OR2A7: variants seen among roughly 807,000 people sequenced by gnomAD.
OR2A7 encodes olfactory receptor family 2 subfamily A member 7.
For missense variants in OR2A7, 35 were observed against 359.2 expected (o/e 0.10, Z 7.30); for synonymous variants, 10 against 147.1 (o/e 0.07, Z 6.74).
intron 1 of OR2A7, among the ~76,000 whole-genome samples, chr7:144,264,300 C>G (rs990171354): frequency 6.6e-6 from 1 of 151,432 alleles, no homozygotes; most frequent in African/African-American, 2.4e-5. Flanking sequence ...TGTTCTGTTG[C>G]CCAGGCTGGA....
rs1230580806 is a variant in OR2A7 at position 144,264,325 on chromosome 7, T to A, written c.-5+376A>T. Among the ~76,000 whole-genome samples, 26 of 151,068 alleles carry A rather than the reference T, an allele frequency of 1.7e-4. No individual in the cohort carries two copies. The East Asian group carries it at 5.1e-3, about 29-fold the overall frequency. ...CCCAGGCTGGAGTGCAGTGGTGCAA[T>A]CTCAGTTCACTGAAACCTCTGCCTC... On this transcript the variant is annotated intron_variant, in intron 1 of 1. Transcript: ENST00000641841.
chr7:144,260,257 A>T (rs868727193), intron 1 of OR2A7, among the ~76,000 whole-genome samples: 1,574 of 116,550 alleles, frequency 0.014, 75 homozygotes, highest in African/African-American at 0.039. Context: ...GTCTTTTTTT[A>T]AAAAAAATTT....
At chr7:144,261,987 G>A (rs1054429740) in intron 1 of OR2A7, among the ~76,000 whole-genome samples, 3 of 151,876 alleles carry the variant, frequency 2.0e-5, no homozygotes, top group Non-Finnish European at 4.4e-5. Flanking sequence ...GAAATGCCAA[G>A]GAAGGATCTT....
chr7:144,260,646 C>G (rs2052633243), intron 1 of OR2A7, among the ~76,000 whole-genome samples: 1 of 151,914 alleles, frequency 6.6e-6, no homozygotes, highest in Non-Finnish European at 1.5e-5. Flanking sequence ...TTTTTTAGCC[C>G]AGAACCTTAT....
chr7:144,260,722 A>G, intron 1 of OR2A7, among the ~76,000 whole-genome samples: 1 of 151,924 alleles, frequency 6.6e-6, no homozygotes, highest in Non-Finnish European at 1.5e-5. Flanking sequence ...ATAGATTTGC[A>G]CCGTGTCATT....
At position 144,259,633 on chromosome 7, in the gene OR2A7, CTA is replaced by C. The variant is rs1177953411; in HGVS notation, c.-4-3_-4-2del. The C allele has an allele frequency of 6.2e-7, 1 of 1,611,934 alleles. No homozygotes were observed. The highest frequency in any genetic ancestry group is 8.5e-7 in the Non-Finnish European group (1 of 1,179,200). The stretch of plus-strand genomic sequence containing the variant: ...GGATGTTATATTGTCCCCCATATCC[CTA>C]TGACAGAGGAAATCAAGTTAATGCT... On this transcript the variant is annotated splice_acceptor_variant and splice_polypyrimidine_tract_variant and intron_variant, in intron 1 of 1. Transcript: ENST00000641841. LOFTEE classifies it low-confidence loss of function (5UTR_SPLICE).
At chr7:144,261,732 T>C (rs2052650789) in intron 1 of OR2A7, among the ~76,000 whole-genome samples, 1 of 151,568 alleles carries the variant, frequency 6.6e-6, no homozygotes, top group African/African-American at 2.4e-5. Context: ...GTGAGCAAAA[T>C]TTGAGCATTA....
At position 144,259,615 on chromosome 7, in the gene OR2A7, A is replaced by G. The variant is rs374161524; in HGVS notation, c.14T>C (p.Ile5Thr). ...TAGGAGGAACTCTGTGATGGATGTT[A>G]TATTGTCCCCCATATCCCTATGACA... MGDN[I>T]TSITEFLLLG... Residue 5 changes from isoleucine to threonine, a missense_variant, in exon 2 of 2, where the codon ATA (isoleucine) becomes ACA (threonine). By Grantham distance (89) the Ile-to-Thr change is moderately conservative. Coordinates refer to ENST00000641841, the MANE Select transcript of OR2A7 (RefSeq NM_001005328.2). The G allele has an allele frequency of 6.8e-6, 11 of 1,612,882 alleles. No homozygotes were observed. In the African/African-American group the frequency reaches 1.5e-4, roughly 22 times the overall value.
intron 1 of OR2A7, among the ~76,000 whole-genome samples, chr7:144,261,495 T>C (rs1243025693): frequency 1.3e-5 from 2 of 151,366 alleles, no homozygotes; most frequent in African/African-American, 4.8e-5. Flanking sequence ...AAAATAGTAA[T>C]TATATGAAAA....
At position 144,258,998 on chromosome 7, in the gene OR2A7, A is replaced by G. The variant is rs1197089441; in HGVS notation, c.631T>C (p.Ser211Pro). 1.2e-5 allele frequency: 19 copies of G among 1,609,636 alleles called. No homozygotes were observed. Among genetic ancestry groups the G allele is most frequent in the Admixed American group, 1.7e-5 (1 of 59,406 alleles). Reference sequence around the variant, plus strand: ...CACATATATGAAACTACAATTGTGGACAAGGGTCCCACCAGCCCAGAAATT... The same window carrying G: ...CACATATATGAAACTACAATTGTGGGCAAGGGTCCCACCAGCCCAGAAATT... The part of the protein sequence containing the change: ...GAISGLVGPL[S>P]TIVVSYMCIL... The change falls in exon 2 of 2, where the codon TCC becomes CCC. Residue 211 changes from serine to proline, a missense_variant. Ser to Pro is a moderately conservative substitution (Grantham distance 74). Transcript: ENST00000641841.
intron 1 of OR2A7, among the ~76,000 whole-genome samples, chr7:144,264,277 G>T (rs530742851): frequency 3.2e-3 from 476 of 151,064 alleles, no homozygotes; most frequent in African/African-American, 0.01. Context: ...ATTTTATTTT[G>T]GAGGTGGAGT....
chr7:144,260,454 C>A (rs1024453141), intron 1 of OR2A7, among the ~76,000 whole-genome samples: 1 of 151,336 alleles, frequency 6.6e-6, no homozygotes, highest in African/African-American at 2.4e-5. Context: ...GTCTTAAAAC[C>A]ACATTAAGTT....
chr7:144,259,703 T>A, intron 1 of OR2A7, 71 bp from the exon 2 acceptor site: 1 of 868,918 alleles, frequency 1.2e-6, no homozygotes, highest in Non-Finnish European at 1.8e-6. Context: ...CATTTTAACT[T>A]GTTCGGCACT....
In OR2A7 at chr7:144,258,878, A is replaced by T. The variant is rs778968901; in HGVS notation, c.751T>A (p.Tyr251Asn). The change falls in exon 2 of 2, where the codon TAT (tyrosine) becomes AAT (asparagine). Residue 251 changes from tyrosine to asparagine, a missense_variant. By Grantham distance (143) the Tyr-to-Asn change is moderately radical. Transcript: ENST00000641841. Reference protein sequence around the residue: ...FSHLCVIGLFYGTAIIMYVGP... With the variant: ...FSHLCVIGLFNGTAIIMYVGP... The stretch of plus-strand genomic sequence containing the variant: ...ACATACATGATAATGGCTGTGCCAT[A>T]AAAGAGTCCAATCACACAGAGGTGG... 6.2e-7 allele frequency: 1 copy of T among 1,613,588 alleles called. No individual in the cohort carries two copies. The highest frequency in any genetic ancestry group is 2.2e-5 in the East Asian group (1 of 44,898).
rs757342704 is a variant in OR2A7, at chr7:144,258,886, C to A, written c.743G>T (p.Gly248Val). ...CTCFSHLCVI[G>V]LFYGTAIIMY... ...GATAATGGCTGTGCCATAAAAGAGT[C>A]CAATCACACAGAGGTGGGAGAAGCA... The change falls in exon 2 of 2, where the codon GGA (glycine) becomes GTA (valine). Residue 248 changes from glycine (G) to valine (V), a missense_variant. Coordinates refer to ENST00000641841, the MANE Select transcript of OR2A7 (RefSeq NM_001005328.2). 18 of 1,613,612 alleles carry A rather than the reference C, an allele frequency of 1.1e-5. No individual in the cohort carries two copies. The highest frequency in any genetic ancestry group is 1.7e-5 in the Admixed American group (1 of 59,750).
intron 1 of OR2A7, among the ~76,000 whole-genome samples, chr7:144,264,139 T>A (rs1277996877): frequency 3.4e-4 from 52 of 151,812 alleles, no homozygotes; most frequent in Non-Finnish European, 2.9e-5. Context: ...AATGCATTAC[T>A]TACATGTTTG....
At chr7:144,264,208 T>C (rs1169976495) in intron 1 of OR2A7, among the ~76,000 whole-genome samples, 1 of 152,050 alleles carries the variant, frequency 6.6e-6, no homozygotes. Flanking sequence ...AGCAAACAAC[T>C]ATGTATTTTA....
intron 1 of OR2A7, among the ~76,000 whole-genome samples, chr7:144,264,110 C>T (rs1293499991): frequency 1.2e-4 from 18 of 151,024 alleles, no homozygotes; most frequent in Non-Finnish European, 5.9e-5. Context: ...ATGTCATAGC[C>T]GTAATAATAT....
chr7:144,264,312 T>C (rs1317105789), intron 1 of OR2A7, among the ~76,000 whole-genome samples: 1 of 151,238 alleles, frequency 6.6e-6, no homozygotes, highest in African/African-American at 2.4e-5. Flanking sequence ...CAGGCTGGAG[T>C]GCAGTGGTGC....
Sources: gnomAD v4.1 joint callset for allele counts (sites outside exome capture counted in the v4.1 genomes callset) on GRCh38, gnomAD v4.1.1 for gene constraint, MANE v1.5 for transcripts, NCBI Gene and HGNC (gene_info 2026-07-23, HGNC 2026-07-21) for gene names.